The following OR14I1 variants were observed in gnomAD, a reference collection of about 807,000 sequenced individuals.
OR14I1 encodes olfactory receptor 14I1.
For synonymous variants in OR14I1, 118 were observed against 71.1 expected, an observed-to-expected ratio of 1.66 and a Z score of -3.32; for missense variants, 279 against 181.8, an observed-to-expected ratio of 1.53 and a Z score of -3.07.
chr1:248,698,222 G>T, the OR14I1 span, among the ~76,000 whole-genome samples: 26,937 of 152,160 alleles, frequency 0.18, 2,839 homozygotes, highest in African/African-American at 0.3. Flanking sequence ...TAAAAGAGAT[G>T]TATTTGCTTT....
chr1:248,693,075 T>A, the OR14I1 span, among the ~76,000 whole-genome samples: 1 of 152,182 alleles, frequency 6.6e-6, no homozygotes, highest in African/African-American at 2.4e-5. Context: ...TTCACAGAAG[T>A]AAGATGTTCT....
the OR14I1 span, among the ~76,000 whole-genome samples, chr1:248,691,030 T>A: frequency 1.2e-4 from 18 of 152,342 alleles, no homozygotes; most frequent in Non-Finnish European, 1.9e-4. Flanking sequence ...AGGCCTTTTT[T>A]AAGGCTGAGT....
downstream of OR14I1, among the ~76,000 whole-genome samples, chr1:248,679,436 T>C (rs1318685323): frequency 6.6e-6 from 1 of 151,758 alleles, no homozygotes; most frequent in Non-Finnish European, 1.5e-5. Flanking sequence ...AGTACTAATA[T>C]ATGTAATATA....
At chr1:248,699,453 C>T in the OR14I1 span, among the ~76,000 whole-genome samples, 1 of 152,132 alleles carries the variant, frequency 6.6e-6, no homozygotes, top group Non-Finnish European at 1.5e-5. Flanking sequence ...GAGACCTTTA[C>T]TATATGGCAG....
downstream of OR14I1, among the ~76,000 whole-genome samples, chr1:248,680,967 C>CGT (rs34495040): frequency 0.013 from 1,956 of 147,190 alleles, 22 homozygotes; most frequent in African/African-American, 0.031. Flanking sequence ...AAACTGTGTG[C>CGT]GTGTGTGTGT....
At chr1:248,696,479 A>G in the OR14I1 span, among the ~76,000 whole-genome samples, 1 of 152,108 alleles carries the variant, frequency 6.6e-6, no homozygotes, top group Admixed American at 6.5e-5. Context: ...GAATCAGTCG[A>G]CTTCTGTTCA....
At chr1:248,695,656 C>G in the OR14I1 span, among the ~76,000 whole-genome samples, 2 of 152,110 alleles carry the variant, frequency 1.3e-5, no homozygotes, top group African/African-American at 2.4e-5. Context: ...ATGTGGGCGT[C>G]TCTAGTCTCT....
the OR14I1 span, among the ~76,000 whole-genome samples, chr1:248,691,258 CA>C: frequency 1.3e-4 from 20 of 152,138 alleles, no homozygotes; most frequent in Non-Finnish European, 2.8e-4. Context: ...ATTTATGTCC[CA>C]GGTACAGTGC....
upstream of OR14I1, among the ~76,000 whole-genome samples, chr1:248,685,187 A>C (rs6700236): frequency 0.73 from 111,188 of 151,586 alleles, 44,091 homozygotes; most frequent in Non-Finnish European, 0.88. Context: ...CACATATTAA[A>C]GTAATAATCT....
the OR14I1 span, among the ~76,000 whole-genome samples, chr1:248,694,367 A>G: frequency 6.6e-6 from 1 of 152,182 alleles, no homozygotes; most frequent in Non-Finnish European, 1.5e-5. Context: ...TAAATAATAT[A>G]TGCCTATGAC....
chr1:248,680,967 C>CATGTGTGTGT (rs138704339), downstream of OR14I1, among the ~76,000 whole-genome samples: 2 of 147,222 alleles, frequency 1.4e-5, no homozygotes, highest in East Asian at 2.0e-4. Flanking sequence ...AAACTGTGTG[C>CATGTGTGTGT]GTGTGTGTGT....
the OR14I1 span, among the ~76,000 whole-genome samples, chr1:248,702,107 A>T: frequency 6.6e-6 from 1 of 152,108 alleles, no homozygotes; most frequent in East Asian, 1.9e-4. Flanking sequence ...CAAGGGAGAA[A>T]TCCACCCCCA....
downstream of OR14I1, among the ~76,000 whole-genome samples, chr1:248,679,399 T>C (rs1206271244): frequency 6.6e-6 from 1 of 151,608 alleles, no homozygotes; most frequent in South Asian, 2.1e-4. Flanking sequence ...TAATATAATA[T>C]ATATTGTAAT....
the OR14I1 span, among the ~76,000 whole-genome samples, chr1:248,700,906 T>A: frequency 6.6e-6 from 1 of 152,300 alleles, no homozygotes; most frequent in African/African-American, 2.4e-5. Context: ...TTACAAAGAT[T>A]TACTATATTA....
At chr1:248,702,501 G>A in the OR14I1 span, among the ~76,000 whole-genome samples, 8 of 152,188 alleles carry the variant, frequency 5.3e-5, no homozygotes, top group South Asian at 1.7e-3. Context: ...TACTTTCAGA[G>A]TATCTTTAGA....
chr1:248,678,229 G>A (rs560254141), downstream of OR14I1, among the ~76,000 whole-genome samples: 2 of 152,288 alleles, frequency 1.3e-5, no homozygotes, highest in East Asian at 3.9e-4. Flanking sequence ...ATAAGCTAAG[G>A]TATCTAATGT....
chr1:248,685,954 A>G (rs757790627), upstream of OR14I1, among the ~76,000 whole-genome samples: 1 of 152,108 alleles, frequency 6.6e-6, no homozygotes, highest in Non-Finnish European at 1.5e-5. Context: ...AAGCATATAT[A>G]CAATACACCT....
At chr1:248,699,924 A>AT in the OR14I1 span, among the ~76,000 whole-genome samples, 1,176 of 152,160 alleles carry the variant, frequency 7.7e-3, 19 homozygotes, top group African/African-American at 0.027. Context: ...CGCCCAGCTA[A>AT]TTTTTTATAT....
chr1:248,701,602 G>A, the OR14I1 span, among the ~76,000 whole-genome samples: 1 of 152,170 alleles, frequency 6.6e-6, no homozygotes, highest in Non-Finnish European at 1.5e-5. Flanking sequence ...TCATTATGAT[G>A]TTCATAATAC....
Sources: gnomAD v4.1 joint callset for allele counts (sites outside exome capture counted in the v4.1 genomes callset) on GRCh38, gnomAD v4.1.1 for gene constraint, MANE v1.5 for transcripts, NCBI Gene and HGNC (gene_info 2026-07-23, HGNC 2026-07-21) for gene names.